The following GFRA2 variants were observed in gnomAD, a reference collection of about 807,000 sequenced individuals.
GFRA2 encodes GDNF family receptor alpha 2.
In GFRA2, 17 loss-of-function variants were observed where a neutral mutation model predicts 48.3. The ratio of observed to expected loss-of-function variants is 0.35; its 90% CI spans 0.24 to 0.53. The LOEUF (loss-of-function observed/expected upper bound fraction) is 0.53, where lower values mean the gene tolerates loss of function less well. Ranked by LOEUF, GFRA2 falls within the 20% of genes least tolerant of loss-of-function variation. The pLI is 0.93. For missense variants in GFRA2, 660 were observed against 637.3 expected, an observed-to-expected ratio of 1.04 and a Z score of -0.38; for synonymous variants, 305 against 257.2, an observed-to-expected ratio of 1.19 and a Z score of -1.78.
At chr8:21,726,188 A>G (rs1803862868) in intron 4 of GFRA2, among the ~76,000 whole-genome samples, 1 of 152,006 alleles carries the variant, frequency 6.6e-6, no homozygotes, top group Admixed American at 6.6e-5. Context: ...CGCACTTCCT[A>G]TCCCTTTCCT....
At chr8:21,776,963 T>C (rs966731835) in intron 2 of GFRA2, among the ~76,000 whole-genome samples, 3 of 152,288 alleles carry the variant, frequency 2.0e-5, no homozygotes, top group Admixed American at 2.0e-4. Context: ...ACTTAGGAAA[T>C]CACTTTTACA....
chr8:21,742,473 G>A (rs1804795052), intron 4 of GFRA2, among the ~76,000 whole-genome samples: 1 of 152,158 alleles, frequency 6.6e-6, no homozygotes, highest in South Asian at 2.1e-4. Context: ...TCCAGCCTCT[G>A]GAACTATGAG....
intron 1 of GFRA2, among the ~76,000 whole-genome samples, chr8:21,787,868 AG>A (rs1167347431): frequency 6.6e-6 from 1 of 152,048 alleles, no homozygotes; most frequent in Non-Finnish European, 1.5e-5. Flanking sequence ...GTGCGTGCAC[AG>A]TGTCTGCGGG....
rs1015577788 is a variant in GFRA2 at position 21,772,835 on chromosome 8, A to G, written c.439+2137T>C. On this transcript the variant is annotated intron_variant, in intron 3 of 8. Coordinates refer to ENST00000524240, the MANE Select transcript of GFRA2 (RefSeq NM_001495.5). ...TTTTCTGCTAGGAAGATACTTAAGCATGAGTCCAGGGAGCAGAAGGGGCTT... is the reference window on the plus strand; with the variant it reads ...TTTTCTGCTAGGAAGATACTTAAGCGTGAGTCCAGGGAGCAGAAGGGGCTT... 1.1e-4 allele frequency among the ~76,000 whole-genome samples: 17 copies of G among 152,336 alleles called. No homozygotes were observed. In the South Asian group the frequency reaches 2.3e-3, roughly 20 times the overall value.
At chr8:21,792,156 G>A (rs1204172217), upstream of GFRA2, among the ~76,000 whole-genome samples, 16 of 152,326 alleles carry the variant, frequency 1.1e-4, no homozygotes, top group East Asian at 2.9e-3. Flanking sequence ...CTTATGGAGT[G>A]GGTTCTCTGG....
chr8:21,705,858 G>T, intron 5 of GFRA2, 74 bp downstream of exon 5: 1 of 992,922 alleles, frequency 1.0e-6, no homozygotes, highest in Non-Finnish European at 1.5e-6. Context: ...GCCCTGAGCT[G>T]GGCTGCGGCC....
At chr8:21,797,742 C>T (rs992776758) in intron 2 of GFRA2, 1 of 152,280 alleles carries the variant, frequency 6.6e-6, no homozygotes, top group Admixed American at 6.5e-5. Context: ...CGGGGTTTCA[C>T]CATGTTGCCC....
chr8:21,767,404 G>A (rs1304233369), intron 3 of GFRA2, among the ~76,000 whole-genome samples: 9 of 152,164 alleles, frequency 5.9e-5, no homozygotes, highest in South Asian at 2.1e-4. Context: ...ACGTGTTCCC[G>A]TCACACAATG....
intron 4 of GFRA2, among the ~76,000 whole-genome samples, chr8:21,718,983 C>T (rs1290851979): frequency 6.6e-6 from 1 of 151,890 alleles, no homozygotes; most frequent in African/African-American, 2.4e-5. Context: ...TGCAGCCATC[C>T]AAGGGAGTCA....
intron 6 of GFRA2, among the ~76,000 whole-genome samples, chr8:21,703,877 G>A (rs1160343370): frequency 6.6e-6 from 1 of 152,196 alleles, no homozygotes; most frequent in Non-Finnish European, 1.5e-5. Flanking sequence ...TGTCAGAATT[G>A]ATTCACTCTG....
chr8:21,699,169 T>C (rs1802350908), intron 7 of GFRA2, among the ~76,000 whole-genome samples: 1 of 152,174 alleles, frequency 6.6e-6, no homozygotes, highest in Non-Finnish European at 1.5e-5. Flanking sequence ...AGTAAGAATT[T>C]CTGTTGAGTC....
upstream of GFRA2, among the ~76,000 whole-genome samples, chr8:21,791,959 G>A (rs924276520): frequency 4.2e-4 from 64 of 152,328 alleles, no homozygotes; most frequent in African/African-American, 1.5e-3. Context: ...CACACATTCC[G>A]TAGTGCCTGA....
At chr8:21,794,377 A>G (rs1170660526) in intron 2 of GFRA2, among the ~76,000 whole-genome samples, 1 of 151,138 alleles carries the variant, frequency 6.6e-6, no homozygotes, top group Non-Finnish European at 1.5e-5. Flanking sequence ...CAGCCTCCCA[A>G]GTAGCTGAGA....
At chr8:21,707,414 A>G (rs1802802059) in intron 4 of GFRA2, among the ~76,000 whole-genome samples, 1 of 152,208 alleles carries the variant, frequency 6.6e-6, no homozygotes, top group African/African-American at 2.4e-5. Flanking sequence ...GAGAGAATGC[A>G]GGCTTTCCAC....
intron 7 of GFRA2, among the ~76,000 whole-genome samples, chr8:21,696,421 T>C (rs1471527137): frequency 6.6e-6 from 1 of 152,026 alleles, no homozygotes; most frequent in Non-Finnish European, 1.5e-5. Flanking sequence ...GTTTGGATAA[T>C]AGTCTACTGC....
intron 4 of GFRA2, among the ~76,000 whole-genome samples, chr8:21,743,250 C>T (rs1490396511): frequency 2.0e-5 from 3 of 152,086 alleles, no homozygotes; most frequent in African/African-American, 7.2e-5. Flanking sequence ...CTTTTCCCCC[C>T]GACACTCCTC....
intron 3 of GFRA2, among the ~76,000 whole-genome samples, chr8:21,758,222 CACACA>C (rs769938504): frequency 1.3e-5 from 2 of 152,024 alleles, no homozygotes; most frequent in Admixed American, 6.5e-5. Flanking sequence ...CACACACACA[CACACA>C]CCTCACCCAG....
intron 4 of GFRA2, among the ~76,000 whole-genome samples, chr8:21,718,968 T>C (rs79394648): frequency 0.03 from 4,555 of 150,162 alleles, 85 homozygotes; most frequent in East Asian, 0.078. Context: ...GTTTTCTTTC[T>C]CTCCTGCAGC....
At chr8:21,719,030 A>G (rs943542789) in intron 4 of GFRA2, among the ~76,000 whole-genome samples, 1 of 151,748 alleles carries the variant, frequency 6.6e-6, no homozygotes, top group East Asian at 1.9e-4. Flanking sequence ...CCCCCTTGCC[A>G]TCCAGCCTGG....
Sources: allele counts gnomAD v4.1 joint callset (sites outside exome capture counted in the v4.1 genomes callset), GRCh38; gene constraint gnomAD v4.1.1; transcripts MANE v1.5; gene names NCBI Gene and HGNC (gene_info 2026-07-23, HGNC 2026-07-21).